GRIK5: variants seen among roughly 807,000 people sequenced by gnomAD.
GRIK5 encodes the protein glutamate ionotropic receptor kainate type subunit 5, also known as glutamate receptor ionotropic, kainate 5.
In GRIK5, 43 loss-of-function variants were observed where a neutral mutation model predicts 97.4. The ratio of observed to expected loss-of-function variants is 0.44; its 90% CI spans 0.35 to 0.57. The LOEUF (loss-of-function observed/expected upper bound fraction) is 0.57, where lower values mean the gene tolerates loss of function less well. GRIK5 is among the 20% of genes least tolerant of loss of function. The pLI is 0.01. For synonymous variants in GRIK5, 580 were observed against 583.5 expected, an observed-to-expected ratio of 0.99 and a Z score of 0.09; for missense variants, 1,015 against 1,382.0, an observed-to-expected ratio of 0.73 and a Z score of 4.21.
At chr19:42,064,999 G>A (rs930104120) in intron 3 of GRIK5, among the ~76,000 whole-genome samples, 8 of 152,188 alleles carry the variant, frequency 5.3e-5, no homozygotes, top group South Asian at 2.1e-4. Context: ...TTTCAACGCC[G>A]CCCCGTGCTC....
chr19:42,034,353 G>A (rs2146085867), intron 12 of GRIK5, among the ~76,000 whole-genome samples: 1 of 152,246 alleles, frequency 6.6e-6, no homozygotes, highest in South Asian at 2.1e-4. Flanking sequence ...CAGCCTCGGT[G>A]ACAGAGCAAG....
At position 42,065,926 on chromosome 19, in the gene GRIK5, G is replaced by C. The variant is rs2076325480; in HGVS notation, c.-50-106C>G. 1.6e-6 allele frequency: 1 copy of C among 638,944 alleles called. No homozygotes were observed. 39.6% of individuals were successfully genotyped at this position (638,944 alleles called of 1,614,324 possible). A position where few individuals can be genotyped will look rare whatever the true frequency, so the allele number is the denominator to read the frequency against. On this transcript the variant is annotated intron_variant, in intron 1 of 19. Coordinates refer to ENST00000593562, the MANE Select transcript of GRIK5 (RefSeq NM_002088.5). The surrounding 1 kb of genome is among the most constrained non-coding windows in gnomAD (Gnocchi z 5.8). ...TCACAGAAGCCTTGGGGACATTGTT[G>C]GCAAGCAGTTCACAGCTCTGCAGAG...
intron 8 of GRIK5, among the ~76,000 whole-genome samples, chr19:42,054,820 T>A (rs982358518): frequency 2.0e-5 from 3 of 152,120 alleles, no homozygotes; most frequent in African/African-American, 7.2e-5. Flanking sequence ...ATGGCCATAG[T>A]CCCCGTCTGA....
intron 5 of GRIK5, among the ~76,000 whole-genome samples, chr19:42,060,021 CCT>C (rs1289208198): frequency 2.6e-5 from 4 of 152,030 alleles, no homozygotes; most frequent in African/African-American, 4.8e-5. Flanking sequence ...CAAGCCTGCC[CCT>C]GAGTCTGTTC....
At position 42,053,938 on chromosome 19, in the gene GRIK5, G is replaced by A. The variant is rs1158395384; in HGVS notation, c.1057-9C>T. ...AGCCCATCATACTCTACCTGGCAGGGTGGGGAGGTGGGGCAGAGGGAGAGT... is the reference window on the plus strand; with the variant it reads ...AGCCCATCATACTCTACCTGGCAGGATGGGGAGGTGGGGCAGAGGGAGAGT... On this transcript the variant is annotated splice_polypyrimidine_tract_variant and intron_variant, in intron 9 of 19. Transcript: ENST00000593562. The A allele has an allele frequency of 6.3e-7, 1 of 1,586,928 alleles. No individual in the cohort carries two copies. The highest frequency in any genetic ancestry group is 8.7e-7 in the Non-Finnish European group (1 of 1,155,504).
At chr19:42,004,972 A>G (rs2075467995) in intron 17 of GRIK5, among the ~76,000 whole-genome samples, 1 of 152,124 alleles carries the variant, frequency 6.6e-6, no homozygotes, top group African/African-American at 2.4e-5. Context: ...CCAAGCACCA[A>G]GCTACACTGC....
Position 41,999,053 on chromosome 19 carries a change from G to C in GRIK5, c.2761C>G (p.Pro921Ala). ...DDPGPPSGAR[P>A]AAPTPCTHVR... Reference sequence around the variant, plus strand: ...TGGGTGCAGGGGGTGGGGGCGGCGGGTCGGGCTCCGCTGGGGGGCCCCGGG... The same window carrying C: ...TGGGTGCAGGGGGTGGGGGCGGCGGCTCGGGCTCCGCTGGGGGGCCCCGGG... The change falls in exon 20 of 20, where the codon CCC (proline) becomes GCC (alanine). Residue 921 changes from proline to alanine, a missense_variant. Transcript: ENST00000593562. This position sits in a 1 kb window ranked among gnomAD's most constrained non-coding sequence, Gnocchi z 5.0. 1.6e-6 allele frequency: 2 copies of C among 1,235,010 alleles called. No individual in the cohort carries two copies. Among genetic ancestry groups the C allele is most frequent in the Non-Finnish European group, 2.0e-6 (2 of 989,846 alleles). 76.5% of individuals were successfully genotyped at this position (1,235,010 alleles called of 1,614,324 possible). A position where few individuals can be genotyped will look rare whatever the true frequency, so the allele number is the denominator to read the frequency against.
intron 16 of GRIK5, 51 bp from the exon 17 acceptor site, chr19:42,005,999 C>T (rs1385571054): frequency 1.1e-6 from 1 of 932,878 alleles, no homozygotes; most frequent in Admixed American, 2.0e-5. Context: ...CCAGCCGCTT[C>T]CTTTCCCCGA....
chr19:42,049,036 C>T (rs541587353), intron 11 of GRIK5, among the ~76,000 whole-genome samples: 3 of 152,118 alleles, frequency 2.0e-5, no homozygotes, highest in African/African-American at 7.2e-5. Flanking sequence ...GCAAGACCCT[C>T]TCTCAAAAAA....
intron 5 of GRIK5, among the ~76,000 whole-genome samples, chr19:42,060,162 GC>G (rs2146168484): frequency 6.6e-6 from 1 of 151,754 alleles, no homozygotes; most frequent in African/African-American, 2.4e-5. Flanking sequence ...CACACAATCT[GC>G]CCAACTCAAC....
intron 12 of GRIK5, among the ~76,000 whole-genome samples, chr19:42,025,380 A>C (rs992344515): frequency 6.6e-6 from 1 of 152,082 alleles, no homozygotes; most frequent in African/African-American, 2.4e-5. Context: ...TGGTCGCTCC[A>C]TGGCTGGGGG....
chr19:42,002,493 A>G lies in GRIK5; in HGVS notation c.2514+839T>C, dbSNP rs782032279. 2.8e-6 allele frequency: 2 copies of G among 716,514 alleles called. No homozygotes were observed. Among genetic ancestry groups the G allele is most frequent in the South Asian group, 3.0e-5 (2 of 67,468 alleles). 44.4% of individuals were successfully genotyped at this position (716,514 alleles called of 1,614,324 possible). On this transcript the variant is annotated intron_variant, in intron 19 of 19. Coordinates refer to ENST00000593562, the MANE Select transcript of GRIK5 (RefSeq NM_002088.5). The surrounding 1 kb of genome is among the most constrained non-coding windows in gnomAD (Gnocchi z 5.2). Reference sequence around the variant, plus strand: ...GCAGCATGGACGGCTCCTTCAGAGGAGTCCTTGGGCCAAGTGCAGAACACT... The same window carrying G: ...GCAGCATGGACGGCTCCTTCAGAGGGGTCCTTGGGCCAAGTGCAGAACACT...
intron 12 of GRIK5, among the ~76,000 whole-genome samples, chr19:42,024,663 G>T (rs1262746890): frequency 6.6e-6 from 1 of 152,198 alleles, no homozygotes; most frequent in Non-Finnish European, 1.5e-5. Flanking sequence ...TCCTGCTCGG[G>T]TTTGACCGAG....
At chr19:42,066,183 C>G (rs906870581) in intron 1 of GRIK5, among the ~76,000 whole-genome samples, 1 of 152,062 alleles carries the variant, frequency 6.6e-6, no homozygotes, top group Non-Finnish European at 1.5e-5. Context: ...AGTGCCACCC[C>G]CCACCCAGTC....
chr19:42,014,678 G>A (rs1323590112), intron 15 of GRIK5, among the ~76,000 whole-genome samples: 1 of 152,118 alleles, frequency 6.6e-6, no homozygotes, highest in Non-Finnish European at 1.5e-5. Flanking sequence ...AGCTGCTTGG[G>A]AGGCTGAGGC....
At chr19:42,018,289 A>G (rs1194947077) in intron 15 of GRIK5, among the ~76,000 whole-genome samples, 4 of 148,828 alleles carry the variant, frequency 2.7e-5, no homozygotes, top group African/African-American at 1.0e-4. Flanking sequence ...GCACCACCAC[A>G]CTCCACGCTG....
At chr19:42,034,997 T>C (rs1222517179) in intron 12 of GRIK5, among the ~76,000 whole-genome samples, 1 of 152,150 alleles carries the variant, frequency 6.6e-6, no homozygotes, top group Non-Finnish European at 1.5e-5. Flanking sequence ...GGTTTGTTTT[T>C]GTTTTCGTTT....
chr19:42,024,978 C>A (rs1423312730), intron 12 of GRIK5, among the ~76,000 whole-genome samples: 2 of 152,220 alleles, frequency 1.3e-5, no homozygotes, highest in Non-Finnish European at 2.9e-5. Context: ...GCAAGGCCAG[C>A]TGGACATGTC....
intron 5 of GRIK5, among the ~76,000 whole-genome samples, chr19:42,061,579 C>T (rs1403600771): frequency 1.3e-5 from 2 of 152,238 alleles, no homozygotes; most frequent in East Asian, 3.9e-4. Flanking sequence ...GCCTACCAGA[C>T]ATCTCACATG....
Sources: gnomAD v4.1 joint callset for allele counts (sites outside exome capture counted in the v4.1 genomes callset) on GRCh38, gnomAD v4.1.1 for gene constraint, Gnocchi (gnomAD v3.1) non-coding constraint, MANE v1.5 for transcripts, NCBI Gene and HGNC (gene_info 2026-07-23, HGNC 2026-07-21) for gene names.